Variants in CCAR1 observed in about 807,000 individuals in gnomAD.
The protein encoded by CCAR1 is cell division cycle and apoptosis regulator 1.
Under a neutral mutation model 163.8 loss-of-function variants are expected in CCAR1, and 78 were observed. The ratio of observed to expected loss-of-function variants is 0.48; its 90% CI spans 0.40 to 0.57. The LOEUF (loss-of-function observed/expected upper bound fraction) is 0.57, where lower values mean the gene tolerates loss of function less well. CCAR1 is among the 20% of genes least tolerant of loss of function. The pLI is 0.00. For synonymous variants in CCAR1, 443 were observed against 460.7 expected, an observed-to-expected ratio of 0.96 and a Z score of 0.49; for missense variants, 1,019 against 1,365.2, an observed-to-expected ratio of 0.75 and a Z score of 4.00.
At position 68,765,918 on chromosome 10, in the gene CCAR1, G is replaced by C. The variant is rs374593914; in HGVS notation, c.2137G>C (p.Glu713Gln). The C allele has an allele frequency of 3.7e-6, 6 of 1,613,048 alleles. No individual in the cohort carries two copies. Among genetic ancestry groups the C allele is most frequent in the Non-Finnish European group, 5.1e-6 (6 of 1,179,756 alleles). Residue 713 changes from glutamate to glutamine, a missense_variant, in exon 17 of 25, where the codon GAA becomes CAA. Coordinates refer to ENST00000265872, the MANE Select transcript of CCAR1 (RefSeq NM_018237.4). ...AGAAAGGAAACGTCAAGAGGAAATA[G>C]AACGCCAGCGTCGAGAAAGAAGATA... ...EEERKRQEEI[E>Q]RQRRERRYIL...
Position 68,749,690 on chromosome 10 carries a change from G to T in CCAR1, c.1118+5G>T. On this transcript the variant is annotated splice_donor_5th_base_variant and intron_variant, in intron 10 of 24. Transcript: ENST00000265872. The stretch of plus-strand genomic sequence containing the variant: ...TTCAAAGTTTTCTTTAGATTGGTAG[G>T]TTATTCCCCACCCATTGTTTTCTTG... 6.3e-7 allele frequency: 1 copy of T among 1,595,078 alleles called. No homozygotes were observed. The highest frequency in any genetic ancestry group is 8.6e-7 in the Non-Finnish European group (1 of 1,165,828).
rs547793160 is a variant in CCAR1 at position 68,788,400 on chromosome 10, A to G, written c.3187+72A>G. Reference sequence around the variant, plus strand: ...GACACGTATATGTTTATGTGTGTACATACATATATACGTACCTGTGTACAC... The same window carrying G: ...GACACGTATATGTTTATGTGTGTACGTACATATATACGTACCTGTGTACAC... On this transcript the variant is annotated intron_variant, in intron 23 of 24. Transcript: ENST00000265872. 3.3e-5 allele frequency: 34 copies of G among 1,020,420 alleles called. No individual in the cohort carries two copies. The Admixed American group carries it at 9.3e-4, about 28-fold the overall frequency. The allele number at this position is 1,020,420 out of a possible 1,614,324, so 63.2% of individuals were successfully genotyped here.
chr10:68,754,100 CA>C, intron 11 of CCAR1, 23 bp downstream of exon 11: 1 of 1,474,466 alleles, frequency 6.8e-7, no homozygotes, highest in Non-Finnish European at 9.4e-7. Flanking sequence ...CTGTGATATG[CA>C]GCTTAAATTT....
intron 2 of CCAR1, among the ~76,000 whole-genome samples, chr10:68,727,232 G>A (rs1359701874): frequency 6.6e-6 from 1 of 151,320 alleles, no homozygotes; most frequent in East Asian, 2.0e-4. Flanking sequence ...CACCACTCCC[G>A]GCTAATTTTG....
At chr10:68,749,044 A>G in intron 8 of CCAR1, 92 bp from the exon 9 acceptor site, 1 of 1,449,914 alleles carries the variant, frequency 6.9e-7, no homozygotes. Flanking sequence ...AGTCACTCTC[A>G]GTTATTTAAC....
Position 68,753,931 on chromosome 10 carries a change from A to G in CCAR1, c.1198A>G (p.Thr400Ala). 3 of 1,614,098 alleles carry G rather than the reference A, an allele frequency of 1.9e-6. No homozygotes were observed. The highest frequency in any genetic ancestry group is 2.5e-6 in the Non-Finnish European group (3 of 1,179,972). ...IPSDFFDAQF[T>A]WVDAFPLSRP... Reference sequence around the variant, plus strand: ...TAGTGACTTTTTTGATGCTCAATTTACATGGGTGGATGCTTTCCCTTTGTC... The same window carrying G: ...TAGTGACTTTTTTGATGCTCAATTTGCATGGGTGGATGCTTTCCCTTTGTC... Residue 400 changes from threonine to alanine, a missense_variant, in exon 11 of 25, where the codon ACA becomes GCA. By Grantham distance (58) the Thr-to-Ala change is moderately conservative. Coordinates refer to ENST00000265872, the MANE Select transcript of CCAR1 (RefSeq NM_018237.4).
chr10:68,723,704 C>T (rs2490169), intron 2 of CCAR1, among the ~76,000 whole-genome samples: 129,417 of 151,230 alleles, frequency 0.86, 55,815 homozygotes, highest in East Asian at 0.97. Flanking sequence ...AAAAATTAGT[C>T]GGGCATGGTG....
At chr10:68,768,726 T>G (rs2056565017) in intron 17 of CCAR1, among the ~76,000 whole-genome samples, 1 of 152,050 alleles carries the variant, frequency 6.6e-6, no homozygotes, top group African/African-American at 2.4e-5. Context: ...CTACGGCACT[T>G]TGAGGGGCTG....
At chr10:68,777,428 C>G (rs1189826590) in intron 19 of CCAR1, among the ~76,000 whole-genome samples, 1 of 152,174 alleles carries the variant, frequency 6.6e-6, no homozygotes, top group Non-Finnish European at 1.5e-5. Flanking sequence ...CGCCTGTAAT[C>G]TCAGCACTTT....
chr10:68,722,963 A>G (rs936612709), intron 2 of CCAR1, among the ~76,000 whole-genome samples: 3 of 152,016 alleles, frequency 2.0e-5, no homozygotes, highest in Non-Finnish European at 2.9e-5. Flanking sequence ...CTGTTCTGAT[A>G]TTCTGATATT....
At chr10:68,765,835 T>G in intron 16 of CCAR1, 53 bp from the exon 17 acceptor site, 7 of 1,266,706 alleles carry the variant, frequency 5.5e-6, no homozygotes. Flanking sequence ...CTTGCACATG[T>G]ATATACATCC....
chr10:68,760,754 C>CT (rs963632661), intron 15 of CCAR1: 8 of 233,444 alleles, frequency 3.4e-5, no homozygotes, highest in African/African-American at 1.6e-4. Context: ...ATCCCAGCTA[C>CT]TTGGGGGGCT....
Position 68,789,704 on chromosome 10 carries a change from A to G in CCAR1, c.3188-6A>G. The G allele has an allele frequency of 7.9e-6, 12 of 1,520,226 alleles. No individual in the cohort carries two copies. The highest frequency in any genetic ancestry group is 1.3e-5 in the South Asian group (1 of 79,588). The allele number at this position is 1,520,226 out of a possible 1,614,324, so 94.2% of individuals were successfully genotyped here. A position where few individuals can be genotyped will look rare whatever the true frequency, so the allele number is the denominator to read the frequency against. On this transcript the variant is annotated splice_polypyrimidine_tract_variant and splice_region_variant and intron_variant, in intron 23 of 24. Coordinates refer to ENST00000265872, the MANE Select transcript of CCAR1 (RefSeq NM_018237.4). ...AAAATGTTAATTTTTGGATTTTTTTAAACAGATGAAGATGAAAAAACCATA... is the reference window on the plus strand; with the variant it reads ...AAAATGTTAATTTTTGGATTTTTTTGAACAGATGAAGATGAAAAAACCATA...
chr10:68,730,611 C>T (rs1364372262), intron 2 of CCAR1, among the ~76,000 whole-genome samples: 2 of 152,150 alleles, frequency 1.3e-5, no homozygotes, highest in African/African-American at 2.4e-5. Flanking sequence ...GCTGGGATTA[C>T]AGGCGTGAGC....
intron 15 of CCAR1, among the ~76,000 whole-genome samples, chr10:68,758,143 C>T (rs993043621): frequency 1.3e-5 from 2 of 152,044 alleles, no homozygotes; most frequent in African/African-American, 4.8e-5. Flanking sequence ...CAGCTTTGGC[C>T]TCCTGGGTTC....
intron 10 of CCAR1, among the ~76,000 whole-genome samples, chr10:68,752,883 A>AATAGATAGATAGATAGATAGATAG (rs36140870): frequency 7.0e-6 from 1 of 142,294 alleles, no homozygotes; most frequent in East Asian, 2.1e-4. Context: ...GATAGGATAG[A>AATAGATAGATAGATAGATAGATAG]ATAGATAGAT....
chr10:68,723,943 G>A (rs2055901143), intron 2 of CCAR1, among the ~76,000 whole-genome samples: 1 of 151,960 alleles, frequency 6.6e-6, no homozygotes, highest in Non-Finnish European at 1.5e-5. Context: ...TGGATCACCT[G>A]AAGTCAGGAG....
At chr10:68,746,317 C>T (rs1159492423) in intron 6 of CCAR1, among the ~76,000 whole-genome samples, 3 of 152,016 alleles carry the variant, frequency 2.0e-5, no homozygotes, top group Non-Finnish European at 4.4e-5. Flanking sequence ...CACTCTATCG[C>T]CCAGGCTGGA....
rs1589157247 is a variant in CCAR1 at position 68,736,758 on chromosome 10, T to C, written c.74-118T>C. On this transcript the variant is annotated intron_variant, in intron 2 of 24. Coordinates refer to ENST00000265872, the MANE Select transcript of CCAR1 (RefSeq NM_018237.4). Reference sequence around the variant, plus strand: ...TAGGTTGATTCCATATCTTGACTATTGTGAATAGTGCTGGAGTGAACATGG... The same window carrying C: ...TAGGTTGATTCCATATCTTGACTATCGTGAATAGTGCTGGAGTGAACATGG... 5.9e-5 allele frequency: 45 copies of C among 765,974 alleles called. No homozygotes were observed. In the East Asian group the frequency reaches 1.2e-3, roughly 21 times the overall value. The allele number at this position is 765,974 out of a possible 1,614,324, so 47.4% of individuals were successfully genotyped here.
Sources: allele counts gnomAD v4.1 joint callset (sites outside exome capture counted in the v4.1 genomes callset), GRCh38; gene constraint gnomAD v4.1.1; transcripts MANE v1.5; gene names NCBI Gene and HGNC (gene_info 2026-07-23, HGNC 2026-07-21).